RPN2: variants seen among roughly 807,000 people sequenced by gnomAD.
RPN2 encodes ribophorin II, also known as dolichyl-diphosphooligosaccharide--protein glycosyltransferase subunit 2.
Under a neutral mutation model 71.4 loss-of-function variants are expected in RPN2, and 29 were observed. The observed-to-expected ratio is 0.41, with a 90% CI of 0.30 to 0.55. RPN2 has a LOEUF of 0.55. Ranked by LOEUF, RPN2 falls within the 20% of genes least tolerant of loss-of-function variation. The pLI is 0.35. For synonymous variants in RPN2, 308 were observed against 305.0 expected (o/e 1.01, Z -0.10); for missense variants, 726 against 774.1 (o/e 0.94, Z 0.74).
chr20:37,215,464 A>G (rs746517671), intron 9 of RPN2, among the ~76,000 whole-genome samples: 23 of 152,228 alleles, frequency 1.5e-4, no homozygotes, highest in Non-Finnish European at 2.6e-4. Flanking sequence ...CATTCTTATA[A>G]TGTTAGTTTC....
chr20:37,207,591 A>C lies in RPN2; in HGVS notation c.867+142A>C, dbSNP rs890212413. ...ATGGAGGGCAAGGCTCATTTCCCTG[A>C]GCCTTGAAATGGAGACATGACCACT... On this transcript the variant is annotated intron_variant, in intron 7 of 16. Coordinates refer to ENST00000237530, the MANE Select transcript of RPN2 (RefSeq NM_002951.5). The C allele has an allele frequency of 1.0e-4, 82 of 817,874 alleles. No individual in the cohort carries two copies. In the African/African-American group the frequency reaches 1.3e-3, roughly 13 times the overall value. The allele number at this position is 817,874 out of a possible 1,614,324, so 50.7% of individuals were successfully genotyped here. A position where few individuals can be genotyped will look rare whatever the true frequency, so the allele number is the denominator to read the frequency against.
intron 2 of RPN2, among the ~76,000 whole-genome samples, chr20:37,189,124 A>G (rs1876741443): frequency 6.6e-6 from 1 of 152,068 alleles, no homozygotes; most frequent in African/African-American, 2.4e-5. Flanking sequence ...TGGTAGTGAC[A>G]GGATTTTGCC....
At chr20:37,188,945 TG>T (rs1375373254) in intron 2 of RPN2, among the ~76,000 whole-genome samples, 3 of 150,840 alleles carry the variant, frequency 2.0e-5, no homozygotes, top group Admixed American at 2.0e-4. Flanking sequence ...CTTTTTTTGT[TG>T]TTTGTTTGAC....
At chr20:37,182,604 TG>T (rs2066911868) in intron 1 of RPN2, among the ~76,000 whole-genome samples, 2 of 151,978 alleles carry the variant, frequency 1.3e-5, no homozygotes, top group African/African-American at 4.8e-5. Context: ...CCATGTCGCC[TG>T]GTCTAGTCTT....
At position 37,210,151 on chromosome 20, in the gene RPN2, C is replaced by T. The variant is rs2067622440; in HGVS notation, c.972C>T (p.Ser324=). ...ASRATVLQKT[S]FTPVGDVFEL... ...GAGCCACTGTCCTCCAGAAGACATC[C>T]TTCACCCCTGTAGGGTAAGTCCTGA... The change falls in exon 8 of 17, where the codon TCC becomes TCT. Residue 324 remains serine, a synonymous_variant. Coordinates refer to ENST00000237530, the MANE Select transcript of RPN2 (RefSeq NM_002951.5). The T allele has an allele frequency of 1.1e-5, 18 of 1,614,014 alleles. No homozygotes were observed. Among genetic ancestry groups the T allele is most frequent in the African/African-American group, 6.7e-5 (5 of 75,054 alleles).
chr20:37,232,527 C>A (rs1600844309), intron 14 of RPN2, 136 bp downstream of exon 14: 7 of 1,084,626 alleles, frequency 6.5e-6, no homozygotes, highest in Admixed American at 3.6e-5. Flanking sequence ...TGAATTGATG[C>A]TCAAGACATT....
chr20:37,236,399 A>G (rs2068393507), intron 15 of RPN2, among the ~76,000 whole-genome samples, 181 bp from the exon 16 acceptor site: 1 of 152,228 alleles, frequency 6.6e-6, no homozygotes, highest in South Asian at 2.1e-4. Flanking sequence ...ACACTTGGCC[A>G]CAGCTGAGAG....
At chr20:37,187,220 T>TATGTTTAATTATATTGTTG (rs1293004709) in intron 2 of RPN2, among the ~76,000 whole-genome samples, 2 of 59,840 alleles carry the variant, frequency 3.3e-5, no homozygotes, top group Admixed American at 1.7e-4. Flanking sequence ...ATCAATCATT[T>TATGTTTAATTATATTGTTG]GGCGGGGCGC....
chr20:37,234,048 A>C lies in RPN2; in HGVS notation c.1706A>C (p.Asn569Thr), dbSNP rs747639349. The C allele has an allele frequency of 5.6e-6, 9 of 1,614,164 alleles. No individual in the cohort carries two copies. Among genetic ancestry groups the C allele is most frequent in the Non-Finnish European group, 7.6e-6 (9 of 1,180,036 alleles). Reference protein sequence around the residue: ...LWIRIGANVSNFTFAPSTIIF... With the variant: ...LWIRIGANVSTFTFAPSTIIF... ...ATCCGGATTGGTGCCAATGTCTCCA[A>C]CTTCACTTTTGCTCCTAGCACGATT... The change falls in exon 15 of 17, where the codon AAC (asparagine) becomes ACC (threonine). Residue 569 changes from asparagine to threonine, a missense_variant. Physicochemically the swap from Asn to Thr is moderately conservative, Grantham distance 65. Transcript: ENST00000237530.
intron 4 of RPN2, among the ~76,000 whole-genome samples, chr20:37,203,395 G>T (rs189146564): frequency 6.9e-6 from 1 of 145,192 alleles, no homozygotes; most frequent in Non-Finnish European, 1.5e-5. Context: ...CTGAGACAGG[G>T]TCTCACTCTA....
intron 1 of RPN2, among the ~76,000 whole-genome samples, chr20:37,181,883 A>G (rs1166734458): frequency 6.8e-6 from 1 of 146,072 alleles, no homozygotes; most frequent in South Asian, 2.2e-4. Context: ...TTTTTTCCAT[A>G]GCACTTACTT....
At chr20:37,188,033 A>AT (rs1264942574) in intron 2 of RPN2, among the ~76,000 whole-genome samples, 1 of 152,102 alleles carries the variant, frequency 6.6e-6, no homozygotes, top group Non-Finnish European at 1.5e-5. Flanking sequence ...TTGTTTAGAG[A>AT]TTTTAATATG....
At chr20:37,219,311 C>G (rs2067896724) in intron 9 of RPN2, among the ~76,000 whole-genome samples, 1 of 152,284 alleles carries the variant, frequency 6.6e-6, no homozygotes, top group East Asian at 1.9e-4. Context: ...TGGTCTCTTG[C>G]ATATCTTCTT....
chr20:37,183,514 C>G (rs954363720), intron 1 of RPN2, among the ~76,000 whole-genome samples: 1 of 152,120 alleles, frequency 6.6e-6, no homozygotes, highest in Non-Finnish European at 1.5e-5. Context: ...TGTATTAACT[C>G]GTGTAATTGT....
chr20:37,203,712 GT>G lies in RPN2; in HGVS notation c.480-169del, dbSNP rs1169168496. Among the ~76,000 whole-genome samples the G allele has an allele frequency of 3.0e-4, 45 of 152,314 alleles. 1 individual carries two copies. The highest frequency in any genetic ancestry group is 1.0e-3 in the African/African-American group (43 of 41,576). On this transcript the variant is annotated intron_variant, in intron 4 of 16. Transcript: ENST00000237530. ...TCTCAGCTGTGATGATCTTTTCCAG[GT>G]TTTGTCACATCTGTCCTAACTGGAT...
chr20:37,184,349 T>C lies in RPN2; in HGVS notation c.183T>C (p.Leu61=), dbSNP rs757771351. 7 of 1,614,084 alleles carry C rather than the reference T, an allele frequency of 4.3e-6. No homozygotes were observed. In the African/African-American group the frequency reaches 5.3e-5, roughly 12 times the overall value. ...AFYSIVGLSS[L]GAQVPDAKKA... is the part of the protein sequence containing the mutation. ...ACTCCATCGTGGGACTCAGCAGCCT[T>C]GGTGCTCAGGTGCCAGATGCAAAGG... The change falls in exon 2 of 17, where the codon CTT becomes CTC. Residue 61 remains leucine, a synonymous_variant. Transcript: ENST00000237530.
intron 11 of RPN2, 28 bp from the exon 12 acceptor site, chr20:37,228,522 T>C (rs2068140394): frequency 6.2e-7 from 1 of 1,601,846 alleles, no homozygotes; most frequent in Non-Finnish European, 8.6e-7. Context: ...AATTATCAGA[T>C]GAAAGATTGT....
Position 37,241,436 on chromosome 20 carries a change from A to G in RPN2, c.*121A>G, listed in dbSNP as rs777067446. ...TTATTTAAAAAAGAAAAAAGTCCAG[A>G]TTGTAGTTATACTTTTGCTTGTTTT... is the stretch of plus-strand genomic sequence containing the variant. On this transcript the variant is annotated 3_prime_UTR_variant, in exon 17 of 17. Coordinates refer to ENST00000237530, the MANE Select transcript of RPN2 (RefSeq NM_002951.5). 1.0e-5 allele frequency: 12 copies of G among 1,184,800 alleles called. No individual in the cohort carries two copies. Among genetic ancestry groups the G allele is most frequent in the African/African-American group, 3.1e-5 (2 of 64,548 alleles). The allele number at this position is 1,184,800 out of a possible 1,614,324, so 73.4% of individuals were successfully genotyped here. A position where few individuals can be genotyped will look rare whatever the true frequency, so the allele number is the denominator to read the frequency against.
chr20:37,228,891 C>G (rs1470122626), intron 12 of RPN2, 147 bp downstream of exon 12: 1 of 735,784 alleles, frequency 1.4e-6, no homozygotes, highest in East Asian at 2.6e-5. Context: ...TGTGTGCAGT[C>G]TCCATAAATA....
Sources: allele counts gnomAD v4.1 joint callset (sites outside exome capture counted in the v4.1 genomes callset), GRCh38; gene constraint gnomAD v4.1.1; transcripts MANE v1.5; gene names NCBI Gene and HGNC (gene_info 2026-07-23, HGNC 2026-07-21).